The following ZMYM3 variants were observed in gnomAD, a reference collection of about 807,000 sequenced individuals.
The protein encoded by ZMYM3 is zinc finger MYM-type protein 3.
ZMYM3 carries 6 observed loss-of-function variants against 94.2 expected under a neutral mutation model. The ratio of observed to expected loss-of-function variants is 0.06; its 90% CI spans 0.03 to 0.13. ZMYM3 has a LOEUF of 0.13. Ranked by LOEUF, ZMYM3 falls within the 10% of genes least tolerant of loss-of-function variation. ZMYM3 has a pLI of 1.00. For synonymous variants in ZMYM3, 420 were observed against 426.5 expected, an observed-to-expected ratio of 0.98 and a Z score of 0.19; for missense variants, 664 against 1,132.6, an observed-to-expected ratio of 0.59 and a Z score of 5.94.
At chrX:71,244,059 C>T in intron 20 of ZMYM3, 79 bp from the exon 21 acceptor site, 1 of 1,110,732 alleles carries the variant, frequency 9.0e-7, no homozygotes. Context: ...TCACCATTAA[C>T]CCCTCCATCC....
At chrX:71,253,820 T>G (rs1235389458) in intron 1 of ZMYM3, among the ~76,000 whole-genome samples, 2 of 68,223 alleles carry the variant, frequency 2.9e-5, no homozygotes, top group Non-Finnish European at 5.3e-5. Context: ...CCCAGTTACC[T>G]TTCAGGTCGC....
chrX:71,244,260 CCT>C, intron 20 of ZMYM3, 40 bp downstream of exon 20: 4 of 1,192,642 alleles, frequency 3.4e-6, no homozygotes, highest in Non-Finnish European at 4.5e-6. Context: ...CCTCCTCCTC[CCT>C]GTCCCTGCCT....
In ZMYM3 at chrX:71,252,976, C is replaced by T; in HGVS notation, c.280G>A (p.Glu94Lys). ...GTTCCCTCAGGACCGTGGTCCACCTCCGGGGGAGAGGGGGCTTTATAGAGC... is the reference window on the plus strand; with the variant it reads ...GTTCCCTCAGGACCGTGGTCCACCTTCGGGGGAGAGGGGGCTTTATAGAGC... ...GLLYKAPSPP[E>K]VDHGPEGTLA... Residue 94 changes from glutamate to lysine, a missense_variant, in exon 2 of 25, where the codon GAG becomes AAG. Physicochemically the swap from Glu to Lys is moderately conservative, Grantham distance 56 (BLOSUM62 1). Around this residue, in one of 9 missense-constraint regions of ZMYM3, gnomAD observed 196 missense variants for 190.8 expected, o/e 1.03. Transcript: ENST00000314425. The T allele has an allele frequency of 8.3e-7, 1 of 1,211,036 alleles. No individual in the cohort carries two copies. The highest frequency in any genetic ancestry group is 1.8e-5 in the South Asian group (1 of 56,886).
Position 71,241,120 on chromosome X carries a change from G to C in ZMYM3, c.3921-12C>G. On this transcript the variant is annotated splice_polypyrimidine_tract_variant and intron_variant, in intron 24 of 24. Transcript: ENST00000314425. Reference sequence around the variant, plus strand: ...GGAGGCTTTCAGGACTGCAACATCGGGGGTGGGAGTGGGAGTGGGGGTGGC... The same window carrying C: ...GGAGGCTTTCAGGACTGCAACATCGCGGGTGGGAGTGGGAGTGGGGGTGGC... The C allele has an allele frequency of 8.3e-7, 1 of 1,203,716 alleles. No homozygotes were observed. The highest frequency in any genetic ancestry group is 2.3e-4 in the Middle Eastern group (1 of 4,334).
chrX:71,253,213 G>C lies in ZMYM3; in HGVS notation c.43C>G (p.Leu15Val). 2 of 1,182,247 alleles carry C rather than the reference G, an allele frequency of 1.7e-6. No individual in the cohort carries two copies. The highest frequency in any genetic ancestry group is 2.3e-6 in the Non-Finnish European group (2 of 880,997). The part of the protein sequence containing the change: ...DFPSPFDPLT[L>V]PEKPLAGDLP... The stretch of plus-strand genomic sequence containing the variant: ...TCTCCAGCCAGGGGCTTCTCTGGCA[G>C]GGTCAATGGGTCAAATGGACTGGGG... Residue 15 changes from leucine to valine, a missense_variant, in exon 2 of 25, where the codon CTG (leucine) becomes GTG (valine). Around this residue, in one of 9 missense-constraint regions of ZMYM3, gnomAD observed 196 missense variants for 190.8 expected, o/e 1.03. Coordinates refer to ENST00000314425, the MANE Select transcript of ZMYM3 (RefSeq NM_201599.3).
chrX:71,248,774 C>T lies in ZMYM3; in HGVS notation c.1649G>A (p.Arg550His), dbSNP rs754374558. 70 of 1,204,232 alleles carry T rather than the reference C, an allele frequency of 5.8e-5. No individual in the cohort carries two copies. In the South Asian group the frequency reaches 6.3e-4, roughly 11 times the overall value. Residue 550 changes from arginine (R) to histidine (H), a missense_variant, in exon 9 of 25, where the codon CGC (arginine) becomes CAC (histidine). Around this residue, in one of 9 missense-constraint regions of ZMYM3, gnomAD observed 159 missense variants for 313.0 expected, o/e 0.51. Coordinates refer to ENST00000314425, the MANE Select transcript of ZMYM3 (RefSeq NM_201599.3). ...TGPPRPCSFC[R>H]RSLSDPCYYN... ...GTAACAGGGGTCAGAGAGGCTGCGG[C>T]GGCAGAAGCTGCAGGGTCGGGGAGG...
intron 2 of ZMYM3, 189 bp from the exon 3 acceptor site, chrX:71,251,790 C>T: frequency 9.3e-6 from 7 of 752,287 alleles, no homozygotes; most frequent in Non-Finnish European, 1.1e-5. Flanking sequence ...GGGGGGTGCA[C>T]GTGCAGCTAT....
In ZMYM3 at chrX:71,240,726, C is replaced by T. The variant is rs769896139; in HGVS notation, c.*190G>A. On this transcript the variant is annotated 3_prime_UTR_variant, in exon 25 of 25. Transcript: ENST00000314425. The stretch of plus-strand genomic sequence containing the variant: ...CCCCTGAGTACAGAAGACCAGGGCC[C>T]CATGGTTGTCAAGTGGTACGGAAGA... 3.7e-5 allele frequency: 16 copies of T among 433,399 alleles called. No individual in the cohort carries two copies. The highest frequency in any genetic ancestry group is 1.7e-4 in the Admixed American group (4 of 23,561). The allele number at this position is 433,399 out of a possible 1,213,427, so 35.7% of individuals were successfully genotyped here.
chrX:71,250,773 C>T, intron 4 of ZMYM3, 47 bp from the exon 5 acceptor site: 1 of 1,105,415 alleles, frequency 9.0e-7, no homozygotes, highest in Non-Finnish European at 1.2e-6. Context: ...CAAACCAGGT[C>T]TCCAACCATC....
chrX:71,244,536 G>T, intron 19 of ZMYM3, 66 bp from the exon 20 acceptor site: 1 of 1,145,341 alleles, frequency 8.7e-7, no homozygotes. Flanking sequence ...AAGCTAGTCA[G>T]CACCATATTT....
At chrX:71,243,191 T>C in intron 21 of ZMYM3, 107 bp from the exon 22 acceptor site, 2 of 647,987 alleles carry the variant, frequency 3.1e-6, no homozygotes, top group South Asian at 5.6e-5. Flanking sequence ...TAGGAGACGA[T>C]GGGAAACAGT....
At chrX:71,251,423 A>G in intron 3 of ZMYM3, 135 bp downstream of exon 3, 1 of 943,753 alleles carries the variant, frequency 1.1e-6, no homozygotes, top group Non-Finnish European at 1.5e-6. Flanking sequence ...AGCAGTAGAC[A>G]CTAGTGCTCC....
Position 71,244,076 on chromosome X carries a change from C to G in ZMYM3, c.3281-96G>C, listed in dbSNP as rs781233460. The G allele has an allele frequency of 8.5e-5, 91 of 1,071,571 alleles. 1 individual carries two copies. The African/African-American group carries it at 1.6e-3, about 18-fold the overall frequency. The allele number at this position is 1,071,571 out of a possible 1,213,427, so 88.3% of individuals were successfully genotyped here. ...ACCATTAACCCCTCCATCCCTTAGT[C>G]ATGCCTAGCTCCTGAACAATTACAG... On this transcript the variant is annotated intron_variant, in intron 20 of 24. Coordinates refer to ENST00000314425, the MANE Select transcript of ZMYM3 (RefSeq NM_201599.3).
chrX:71,251,045 C>T (rs1335965409), intron 4 of ZMYM3, 133 bp downstream of exon 4: 1 of 668,452 alleles, frequency 1.5e-6, no homozygotes, highest in Non-Finnish European at 2.3e-6. Flanking sequence ...CAACCCATAG[C>T]AGAGACAGGC....
rs372284453 is a variant in ZMYM3, at chrX:71,252,898, T to A, written c.358A>T (p.Thr120Ser). 2 of 1,209,987 alleles carry A rather than the reference T, an allele frequency of 1.7e-6. No individual in the cohort carries two copies. The highest frequency in any genetic ancestry group is 1.1e-6 in the Non-Finnish European group (1 of 894,650). ...GGATCAGGTGGTACCACCTCAGGGG[T>A]CTGGCCCCCTGGTCCAGGCTCTAGG... ...QTLEPGPGGQ[T>S]PEVVPPDPGA... The change falls in exon 2 of 25, where the codon ACC (threonine) becomes TCC (serine). Residue 120 changes from threonine to serine, a missense_variant. Transcript: ENST00000314425.
intron 12 of ZMYM3, 96 bp from the exon 13 acceptor site, chrX:71,247,606 C>G: frequency 1.7e-6 from 2 of 1,143,100 alleles, no homozygotes; most frequent in Non-Finnish European, 2.3e-6. Context: ...CCTTGGAGAT[C>G]GGGCCAGCTT....
chrX:71,251,429 GCTCC>G (rs2030466004), intron 3 of ZMYM3, 125 bp downstream of exon 3: 4 of 962,726 alleles, frequency 4.2e-6, no homozygotes, highest in Non-Finnish European at 1.4e-6. Context: ...AGACACTAGT[GCTCC>G]CTCCCTCCTC....
In ZMYM3 at chrX:71,252,721, GCTC is replaced by G. The variant is rs1569228087; in HGVS notation, c.532_534del (p.Glu178del). 8.3e-7 allele frequency: 1 copy of G among 1,206,646 alleles called. No homozygotes were observed. The highest frequency in any genetic ancestry group is 1.1e-6 in the Non-Finnish European group (1 of 893,299). On this transcript the variant is annotated inframe_deletion, in exon 2 of 25. Coordinates refer to ENST00000314425, the MANE Select transcript of ZMYM3 (RefSeq NM_201599.3). ...GGGCTCTGTGGCTGCCCTTGGGGAAGCTCCTCCTCCTGCCCAGGGGAGCCCCTT... is the reference window on the plus strand; with the variant it reads ...GGGCTCTGTGGCTGCCCTTGGGGAAGCTCCTCCTGCCCAGGGGAGCCCCTT...
chrX:71,252,852 C>T lies in ZMYM3; in HGVS notation c.404G>A (p.Cys135Tyr), dbSNP rs768756697. The T allele has an allele frequency of 1.7e-6, 2 of 1,210,537 alleles. No homozygotes were observed. Among genetic ancestry groups the T allele is most frequent in the South Asian group, 1.8e-5 (1 of 56,713 alleles). ...AGGCTCTAGTAGCCCCTCAGGTGAA[C>T]AGGAATTTGCCCCAGCCCCTGGATC... is the stretch of plus-strand genomic sequence containing the variant. ...PPDPGAGANS[C>Y]SPEGLLEPLA... Residue 135 changes from cysteine (C) to tyrosine (Y), a missense_variant, in exon 2 of 25, where the codon TGT (cysteine) becomes TAT (tyrosine). This residue lies in a region of ZMYM3 where 196 missense variants were observed against 190.8 expected (regional missense o/e 1.03). Transcript: ENST00000314425.
Sources: allele counts gnomAD v4.1 joint callset (sites outside exome capture counted in the v4.1 genomes callset), GRCh38; gene constraint gnomAD v4.1.1; regional missense constraint gnomAD v4.1.1; transcripts MANE v1.5; gene names NCBI Gene and HGNC (gene_info 2026-07-23, HGNC 2026-07-21).